VIPR2: variants seen among roughly 807,000 people sequenced by gnomAD.
The protein encoded by VIPR2 is vasoactive intestinal peptide receptor 2.
VIPR2 carries 48 observed loss-of-function variants against 58.0 expected under a neutral mutation model. That is an observed-to-expected ratio of 0.83 (90% CI 0.66 to 1.05). The LOEUF (loss-of-function observed/expected upper bound fraction) is 1.05, where lower values mean the gene tolerates loss of function less well. VIPR2 is among the 50% of genes least tolerant of loss of function. The pLI, the probability that VIPR2 is intolerant of heterozygous loss-of-function variation, is 0.00. For missense variants in VIPR2, 534 were observed against 558.0 expected (o/e 0.96, Z 0.43); for synonymous variants, 243 against 235.2 (o/e 1.03, Z -0.30).
At chr7:159,144,682 T>A in intron 1 of VIPR2, 39 bp downstream of exon 1, 2 of 1,340,060 alleles carry the variant, frequency 1.5e-6, no homozygotes, top group Non-Finnish European at 1.9e-6. Context: ...GAGAACCGGG[T>A]CCGAGGCGCC....
intron 2 of VIPR2, among the ~76,000 whole-genome samples, chr7:159,137,670 C>T (rs1228806496): frequency 6.6e-6 from 1 of 152,152 alleles, no homozygotes; most frequent in Non-Finnish European, 1.5e-5. Flanking sequence ...TTGCACCAGG[C>T]ATAAAGACAT....
intron 2 of VIPR2, among the ~76,000 whole-genome samples, chr7:159,110,271 G>T (rs112366406): frequency 4.6e-5 from 7 of 152,342 alleles, no homozygotes; most frequent in African/African-American, 1.7e-4. Context: ...GGGAAAGTGT[G>T]CTTGTGCTTC....
chr7:159,057,747 G>A (rs955887919), intron 5 of VIPR2, among the ~76,000 whole-genome samples: 4 of 152,200 alleles, frequency 2.6e-5, no homozygotes, highest in African/African-American at 2.4e-5. Context: ...AGAAACTGCC[G>A]TTCTGGGACC....
At chr7:159,078,931 G>A (rs892005836) in intron 4 of VIPR2, among the ~76,000 whole-genome samples, 1 of 152,068 alleles carries the variant, frequency 6.6e-6, no homozygotes, top group Admixed American at 6.6e-5. Flanking sequence ...CACCTCTCTC[G>A]GGTGTTGTAT....
chr7:159,080,133 C>T (rs1856829904), intron 4 of VIPR2, among the ~76,000 whole-genome samples: 1 of 152,144 alleles, frequency 6.6e-6, no homozygotes, highest in South Asian at 2.1e-4. Flanking sequence ...CAGCATCATC[C>T]TGATACCAAA....
chr7:159,065,857 G>A (rs1856049802), intron 4 of VIPR2, among the ~76,000 whole-genome samples: 1 of 152,202 alleles, frequency 6.6e-6, no homozygotes, highest in African/African-American at 2.4e-5. Flanking sequence ...GCTCAGGGCT[G>A]ACCCACACAT....
chr7:159,091,115 T>C (rs1857478253), intron 4 of VIPR2, among the ~76,000 whole-genome samples: 1 of 152,260 alleles, frequency 6.6e-6, no homozygotes, highest in South Asian at 2.1e-4. Flanking sequence ...CCTGTGACCA[T>C]TTTACCAAAC....
rs1749130324 is a variant in VIPR2, at chr7:159,031,030, GA to G, written c.1144-242del. Among the ~76,000 whole-genome samples, 1 of 152,360 alleles carries G rather than the reference GA, an allele frequency of 6.6e-6. No individual in the cohort carries two copies. The highest frequency in any genetic ancestry group is 2.4e-5 in the African/African-American group (1 of 41,588). On this transcript the variant is annotated intron_variant, in intron 12 of 12. Transcript: ENST00000262178. The surrounding 1 kb of genome is among the most constrained non-coding windows in gnomAD (Gnocchi z 4.0). The stretch of plus-strand genomic sequence containing the variant: ...TAAGACTGTGCGTGGGTGGTTCGGG[GA>G]TCGCCACTGCCGCGGTAAGCGCAGT...
rs549076203 is a variant in VIPR2, at chr7:159,101,111, G to A, written c.357+2646C>T. Among the ~76,000 whole-genome samples, 908 of 142,378 alleles carry A rather than the reference G, an allele frequency of 6.4e-3. 4 individuals are homozygous for A. The highest frequency in any genetic ancestry group is 0.023 in the Middle Eastern group (5 of 214). The allele number at this position is 142,378 out of a possible 152,430, so 93.4% of individuals were successfully genotyped here. The stretch of plus-strand genomic sequence containing the variant: ...CGGGTCTCACGAGATCCGACGAGGC[G>A]GTTCCGACTGTTCCTGTGGTAGTGA... On this transcript the variant is annotated intron_variant, in intron 4 of 12. Transcript: ENST00000262178.
At chr7:159,113,095 A>C (rs984577699) in intron 2 of VIPR2, among the ~76,000 whole-genome samples, 1 of 152,140 alleles carries the variant, frequency 6.6e-6, no homozygotes, top group Non-Finnish European at 1.5e-5. Flanking sequence ...ACATTGTTTT[A>C]GATTGTTTTA....
At chr7:159,060,298 C>CTCATCTAACCCATACT (rs1427090103) in intron 4 of VIPR2, among the ~76,000 whole-genome samples, 66 of 148,626 alleles carry the variant, frequency 4.4e-4, no homozygotes, top group Middle Eastern at 4.0e-3. Flanking sequence ...CACCTCAAGC[C>CTCATCTAACCCATACT]TCATCTAACC....
chr7:159,038,360 T>C (rs910467398), intron 6 of VIPR2, among the ~76,000 whole-genome samples: 4 of 152,104 alleles, frequency 2.6e-5, no homozygotes, highest in African/African-American at 7.2e-5. Context: ...TTATTGTCCA[T>C]CTTTGCCACC....
At chr7:159,133,105 A>ACG (rs1797045215) in intron 2 of VIPR2, among the ~76,000 whole-genome samples, 1 of 152,290 alleles carries the variant, frequency 6.6e-6, no homozygotes, top group Admixed American at 6.5e-5. Flanking sequence ...TGCCTTTTCC[A>ACG]TAAGAAGATT....
At chr7:159,126,947 A>G (rs1005237332) in intron 2 of VIPR2, among the ~76,000 whole-genome samples, 7 of 152,204 alleles carry the variant, frequency 4.6e-5, no homozygotes, top group Admixed American at 6.5e-5. Flanking sequence ...AGCAAAGCTT[A>G]ACCCTGCAAA....
rs747914292 is a variant in VIPR2, at chr7:159,135,004, G to GTTTT, written c.151+7438_151+7441dup. ...TATTGGTCTTCTCTTAATTACAAAAGTTTTTTTTTTTTTTTTTTTTTTTTT... is the reference window on the plus strand; with the variant it reads ...TATTGGTCTTCTCTTAATTACAAAAGTTTTTTTTTTTTTTTTTTTTTTTTTTTTT... On this transcript the variant is annotated intron_variant, in intron 2 of 12. Coordinates refer to ENST00000262178, the MANE Select transcript of VIPR2 (RefSeq NM_003382.5). Among the ~76,000 whole-genome samples, 18 of 65,960 alleles carry GTTTT rather than the reference G, an allele frequency of 2.7e-4. 1 individual carries two copies. The highest frequency in any genetic ancestry group is 7.2e-4 in the African/African-American group (11 of 15,380). 43.3% of individuals were successfully genotyped at this position (65,960 alleles called of 152,430 possible).
chr7:159,037,568 C>A (rs1854056318), intron 6 of VIPR2, among the ~76,000 whole-genome samples: 1 of 152,106 alleles, frequency 6.6e-6, no homozygotes, highest in South Asian at 2.1e-4. Context: ...TTGTAAAAAA[C>A]TGGTTTTAAT....
At chr7:159,035,659 G>C in intron 8 of VIPR2, 2 of 982,158 alleles carry the variant, frequency 2.0e-6, no homozygotes, top group Non-Finnish European at 2.4e-6. Flanking sequence ...TTCTTCTGTG[G>C]ACATCGCTGT....
At position 159,038,791 on chromosome 7, in the gene VIPR2, A is replaced by G. The variant is rs116161631; in HGVS notation, c.598-1889T>C. Among the ~76,000 whole-genome samples, 1,215 of 152,342 alleles carry G rather than the reference A, an allele frequency of 8.0e-3. 15 individuals carry two copies. The highest frequency in any genetic ancestry group is 0.028 in the African/African-American group (1,145 of 41,574). ...AAAACAAGAAGTGCTAAAAGGATGG[A>G]AAGCAATTTTGGTTATATAAACTTT... On this transcript the variant is annotated intron_variant, in intron 6 of 12. Coordinates refer to ENST00000262178, the MANE Select transcript of VIPR2 (RefSeq NM_003382.5).
At chr7:159,144,071 G>A (rs1797587467) in intron 1 of VIPR2, among the ~76,000 whole-genome samples, 1 of 152,252 alleles carries the variant, frequency 6.6e-6, no homozygotes, top group Non-Finnish European at 1.5e-5. Flanking sequence ...ACCCGCTTCA[G>A]TCTCCAAGAG....
Sources: allele counts gnomAD v4.1 joint callset (sites outside exome capture counted in the v4.1 genomes callset), GRCh38; gene constraint gnomAD v4.1.1; non-coding constraint Gnocchi (gnomAD v3.1); transcripts MANE v1.5; gene names NCBI Gene and HGNC (gene_info 2026-07-23, HGNC 2026-07-21).